The following MAPK6 variants were observed in gnomAD, a reference collection of about 807,000 sequenced individuals.
The protein encoded by MAPK6 is ERK-3.
A neutral mutation model predicts 59.3 loss-of-function variants in MAPK6; 19 were observed. That is an observed-to-expected ratio of 0.32 (90% CI 0.22 to 0.47). MAPK6 has a LOEUF of 0.47. MAPK6 is among the 20% of genes least tolerant of loss of function. The pLI is 1.00. For synonymous variants in MAPK6, 316 were observed against 290.3 expected, an observed-to-expected ratio of 1.09 and a Z score of -0.90; for missense variants, 724 against 847.9, an observed-to-expected ratio of 0.85 and a Z score of 1.81.
chr15:52,037,559 A>C (rs2031283762), intron 1 of MAPK6, among the ~76,000 whole-genome samples: 1 of 152,162 alleles, frequency 6.6e-6, no homozygotes, highest in Admixed American at 6.6e-5. Context: ...CCATCACCTC[A>C]ACAAGATAAG....
At chr15:51,984,447 A>ATT (rs71130112) in intron 2 of MAPK6, among the ~76,000 whole-genome samples, 1,071 of 69,926 alleles carry the variant, frequency 0.015, 75 homozygotes, top group African/African-American at 0.029. Context: ...ACGCCGGCTA[A>ATT]TTTTTTTTTT....
intron 1 of MAPK6, chr15:52,021,343 C>T (rs2030519041): frequency 6.8e-6 from 1 of 147,490 alleles, no homozygotes; most frequent in African/African-American, 2.5e-5. Flanking sequence ...CTCATGCTGC[C>T]CACGGACTGC....
chr15:52,039,876 C>G (rs1297066773), intron 1 of MAPK6, among the ~76,000 whole-genome samples: 2 of 152,296 alleles, frequency 1.3e-5, no homozygotes, highest in East Asian at 3.9e-4. Context: ...AAGTTTGTCT[C>G]TGTAGATAAG....
intron 1 of MAPK6, among the ~76,000 whole-genome samples, chr15:52,028,298 G>T (rs2030891100): frequency 1.3e-5 from 2 of 151,964 alleles, no homozygotes; most frequent in African/African-American, 2.4e-5. Context: ...TGTTGACCAG[G>T]CTGGTCTTGA....
chr15:52,060,368 A>G (rs761552576), intron 4 of MAPK6, among the ~76,000 whole-genome samples: 12 of 152,242 alleles, frequency 7.9e-5, no homozygotes, highest in Non-Finnish European at 1.0e-4. Context: ...GTGAAGAGGT[A>G]GGGATTGAGA....
chr15:51,994,756 G>A (rs74641350), intron 2 of MAPK6, among the ~76,000 whole-genome samples: 2,730 of 152,276 alleles, frequency 0.018, 80 homozygotes, highest in African/African-American at 0.062. Flanking sequence ...AGAACACAGC[G>A]TTGATTCTCT....
chr15:52,058,948 T>C, intron 4 of MAPK6, 151 bp downstream of exon 4: 1 of 530,792 alleles, frequency 1.9e-6, no homozygotes, highest in Non-Finnish European at 3.0e-6. Context: ...CAACTCTCAT[T>C]TTCCCTTTTT....
chr15:52,024,395 TC>T (rs2030667538), intron 1 of MAPK6, among the ~76,000 whole-genome samples: 1 of 151,388 alleles, frequency 6.6e-6, no homozygotes, highest in Non-Finnish European at 1.5e-5. Flanking sequence ...ATCTACTTTT[TC>T]TTTTTCTTTT....
intron 1 of MAPK6, among the ~76,000 whole-genome samples, chr15:52,024,296 A>G (rs1259843037): frequency 1.3e-5 from 2 of 152,222 alleles, no homozygotes; most frequent in Non-Finnish European, 2.9e-5. Flanking sequence ...TTTCTGGACC[A>G]ACAGTATTAG....
At chr15:52,019,552 C>T (rs2030419760) in intron 1 of MAPK6, among the ~76,000 whole-genome samples, 176 bp downstream of exon 1, 1 of 146,176 alleles carries the variant, frequency 6.8e-6, no homozygotes, top group African/African-American at 2.4e-5. Context: ...GGTCTGCCGC[C>T]CGCCCCCTGC....
intron 4 of MAPK6, among the ~76,000 whole-genome samples, 157 bp downstream of exon 4, chr15:52,058,954 T>A (rs899514577): frequency 2.0e-5 from 3 of 152,166 alleles, no homozygotes; most frequent in African/African-American, 2.4e-5. Flanking sequence ...TCATTTTCCC[T>A]TTTTTTGTCC....
At chr15:52,007,345 C>A (rs2029922871) in intron 3 of MAPK6, among the ~76,000 whole-genome samples, 3 of 152,054 alleles carry the variant, frequency 2.0e-5, no homozygotes, top group Non-Finnish European at 4.4e-5. Flanking sequence ...GGGGTTCTAG[C>A]AAGACTGGCT....
intron 5 of MAPK6, 51 bp downstream of exon 5, chr15:52,061,551 C>G (rs756271926): frequency 7.5e-7 from 1 of 1,331,840 alleles, no homozygotes; most frequent in Non-Finnish European, 1.1e-6. Flanking sequence ...TTTCAGTGGA[C>G]CATATGTAGT....
chr15:51,989,952 G>A (rs765492252), intron 2 of MAPK6, among the ~76,000 whole-genome samples: 23 of 152,078 alleles, frequency 1.5e-4, no homozygotes, highest in Admixed American at 3.9e-4. Flanking sequence ...GCAATGTCTA[G>A]CAGGCTACTA....
intron 1 of MAPK6, among the ~76,000 whole-genome samples, chr15:52,032,738 G>A (rs1859226454): frequency 6.6e-6 from 1 of 151,990 alleles, no homozygotes; most frequent in African/African-American, 2.4e-5. Context: ...AGGCTGGAGT[G>A]CAGTGGCACA....
At chr15:51,984,123 A>G (rs2057182937) in intron 2 of MAPK6, among the ~76,000 whole-genome samples, 1 of 152,186 alleles carries the variant, frequency 6.6e-6, no homozygotes, top group African/African-American at 2.4e-5. Flanking sequence ...CCATCAATAG[A>G]GAATTGTTCA....
At chr15:52,023,803 CAG>C (rs1165589809) in intron 1 of MAPK6, among the ~76,000 whole-genome samples, 2 of 152,082 alleles carry the variant, frequency 1.3e-5, no homozygotes, top group Non-Finnish European at 2.9e-5. Context: ...TTAGTACAGA[CAG>C]GGTTTCATTA....
chr15:51,992,139 G>A (rs2057210680), intron 2 of MAPK6, among the ~76,000 whole-genome samples: 1 of 151,618 alleles, frequency 6.6e-6, no homozygotes, highest in Admixed American at 6.6e-5. Context: ...TGTATTTTTT[G>A]TAGAGACAGG....
Position 52,061,452 on chromosome 15 carries a change from A to G in MAPK6, c.1019A>G (p.Asp340Gly), listed in dbSNP as rs761820104. Residue 340 changes from aspartate (D) to glycine (G), a missense_variant, in exon 5 of 6, where the codon GAT becomes GGT. Asp to Gly is a moderately conservative substitution (Grantham distance 94). Coordinates refer to ENST00000261845, the MANE Select transcript of MAPK6 (RefSeq NM_002748.4). Reference sequence around the variant, plus strand: ...TTTCATATTGAAGATGAAGTTGATGATATTTTGCTTATGGATGAAACTCAC... The same window carrying G: ...TTTCATATTGAAGATGAAGTTGATGGTATTTTGCTTATGGATGAAACTCAC... ...HPFHIEDEVD[D>G]ILLMDETHSH... is the part of the protein sequence containing the mutation. The G allele has an allele frequency of 1.2e-6, 2 of 1,613,896 alleles. No homozygotes were observed. Among genetic ancestry groups the G allele is most frequent in the East Asian group, 4.5e-5 (2 of 44,870 alleles).
Sources: gnomAD v4.1 joint callset for allele counts (sites outside exome capture counted in the v4.1 genomes callset) on GRCh38, gnomAD v4.1.1 for gene constraint, MANE v1.5 for transcripts, NCBI Gene and HGNC (gene_info 2026-07-23, HGNC 2026-07-21) for gene names.